VPS35L: variants seen among roughly 807,000 people sequenced by gnomAD.
The protein encoded by VPS35L is VPS35 endosomal protein sorting factor like.
In VPS35L, 83 loss-of-function variants were observed where a neutral mutation model predicts 133.0. The observed-to-expected ratio is 0.62, with a 90% CI of 0.52 to 0.75. The LOEUF is 0.75. Ranked by LOEUF, VPS35L falls within the 30% of genes least tolerant of loss-of-function variation. The pLI, the probability that VPS35L is intolerant of heterozygous loss-of-function variation, is 0.00. For synonymous variants in VPS35L, 423 were observed against 449.9 expected, an observed-to-expected ratio of 0.94 and a Z score of 0.76; for missense variants, 1,083 against 1,206.8, an observed-to-expected ratio of 0.90 and a Z score of 1.52.
chr16:19,653,701 G>A (rs1459132533), intron 26 of VPS35L, among the ~76,000 whole-genome samples: 5 of 152,230 alleles, frequency 3.3e-5, no homozygotes, highest in Admixed American at 6.5e-5. Context: ...CAAGGCTGGC[G>A]CCTCACCACT....
In VPS35L at chr16:19,624,594, AAAAC is replaced by A. The variant is rs1161153185; in HGVS notation, c.1225-1563_1225-1560del. ...AGTAAGACTCGTCTCTCTGTCTCAA[AAAAC>A]AAACAAACAAACAAACAAAAATACT... On this transcript the variant is annotated intron_variant, in intron 14 of 30. Transcript: ENST00000417362. Among the ~76,000 whole-genome samples the A allele has an allele frequency of 9.2e-5, 14 of 151,746 alleles. No individual in the cohort carries two copies. In the East Asian group the frequency reaches 2.1e-3, roughly 23 times the overall value.
Position 19,581,537 on chromosome 16 carries a change from G to T in VPS35L, c.523G>T (p.Glu175Ter). The change falls in exon 7 of 31, where the codon GAG becomes TAG. Residue 175 changes from glutamate (E) to a stop codon, truncating the protein, a stop_gained. Transcript: ENST00000417362. LOFTEE classifies it high-confidence loss of function. Reference protein sequence around the residue: ...LDDFEEGSQKELLNLTQQDYV... With the variant: ...LDDFEEGSQK ...CTTCTCCCCACAGGGTTCCCAAAAGGAGCTGTTGAACTTGACTCAGCAGGA... is the reference window on the plus strand; with the variant it reads ...CTTCTCCCCACAGGGTTCCCAAAAGTAGCTGTTGAACTTGACTCAGCAGGA... 6.2e-7 allele frequency: 1 copy of T among 1,603,300 alleles called. No homozygotes were observed. Among genetic ancestry groups the T allele is most frequent in the Non-Finnish European group, 8.5e-7 (1 of 1,174,298 alleles).
At chr16:19,641,222 G>A (rs1830681520) in intron 21 of VPS35L, among the ~76,000 whole-genome samples, 3 of 151,646 alleles carry the variant, frequency 2.0e-5, no homozygotes, top group Admixed American at 2.0e-4. Context: ...CCACCTCCAC[G>A]TCCGGCTAAT....
At chr16:19,670,772 T>A (rs1331243843) in intron 27 of VPS35L, among the ~76,000 whole-genome samples, 4 of 151,990 alleles carry the variant, frequency 2.6e-5, no homozygotes, top group Non-Finnish European at 5.9e-5. Flanking sequence ...TAACTTGGAG[T>A]CCATCTACTC....
At chr16:19,685,822 G>A (rs1356875470) in intron 28 of VPS35L, among the ~76,000 whole-genome samples, 1 of 152,132 alleles carries the variant, frequency 6.6e-6, no homozygotes, top group Non-Finnish European at 1.5e-5. Flanking sequence ...CTGAACAAGA[G>A]AGAAAGCTTT....
chr16:19,651,920 A>G, intron 25 of VPS35L, 56 bp from the exon 26 acceptor site: 5 of 1,202,176 alleles, frequency 4.2e-6, no homozygotes, highest in Non-Finnish European at 6.1e-6. Context: ...TGAAAACAGG[A>G]GTATGATTCT....
intron 11 of VPS35L, among the ~76,000 whole-genome samples, chr16:19,609,923 C>T (rs1418493546): frequency 2.6e-5 from 4 of 151,936 alleles, no homozygotes; most frequent in Non-Finnish European, 4.4e-5. Flanking sequence ...CTGAGATTCA[C>T]GGAAGGAACA....
intron 26 of VPS35L, among the ~76,000 whole-genome samples, chr16:19,665,111 T>C (rs1159149182): frequency 6.6e-6 from 1 of 152,174 alleles, no homozygotes; most frequent in Non-Finnish European, 1.5e-5. Context: ...AGGCAGGCAG[T>C]GTATAATAAT....
At chr16:19,595,594 A>G (rs9940647) in intron 8 of VPS35L, among the ~76,000 whole-genome samples, 3,874 of 152,028 alleles carry the variant, frequency 0.025, 176 homozygotes, top group African/African-American at 0.089. Flanking sequence ...AGCAAGATTA[A>G]CTCTGAGACA....
In VPS35L at chr16:19,639,216, A is replaced by G. The variant is rs114788231; in HGVS notation, c.1699-799A>G. ...CAAAACCGCAGATAAGGGAGCAACT[A>G]CCATATTCCCACTTTACAGATGAGA... is the stretch of plus-strand genomic sequence containing the variant. On this transcript the variant is annotated intron_variant, in intron 20 of 30. Coordinates refer to ENST00000417362, the MANE Select transcript of VPS35L (RefSeq NM_020314.7). This position sits in a 1 kb window ranked among gnomAD's most constrained non-coding sequence, Gnocchi z 4.1. 0.051 allele frequency among the ~76,000 whole-genome samples: 7,733 copies of G among 152,300 alleles called. 639 individuals are homozygous for G. The highest frequency in any genetic ancestry group is 0.17 in the African/African-American group (7,036 of 41,542).
chr16:19,581,752 C>T (rs1971718209), intron 7 of VPS35L, 99 bp downstream of exon 7: 1 of 1,362,034 alleles, frequency 7.3e-7, no homozygotes, highest in Non-Finnish European at 1.0e-6. Flanking sequence ...GGGTCTTACT[C>T]TTGTTTTCTC....
chr16:19,616,859 C>T, intron 14 of VPS35L, 51 bp downstream of exon 14: 1 of 1,612,326 alleles, frequency 6.2e-7, no homozygotes, highest in South Asian at 1.1e-5. Flanking sequence ...ATGGTGACAG[C>T]CCCTGCCCAC....
At chr16:19,648,688 T>C (rs1452302472) in intron 24 of VPS35L, among the ~76,000 whole-genome samples, 1 of 151,934 alleles carries the variant, frequency 6.6e-6, no homozygotes, top group African/African-American at 2.4e-5. Context: ...CCCAATATGG[T>C]GAAATGCTGT....
intron 12 of VPS35L, 96 bp downstream of exon 12, chr16:19,610,511 A>T (rs1396771169): frequency 1.2e-6 from 1 of 846,506 alleles, no homozygotes; most frequent in Non-Finnish European, 1.8e-6. Context: ...CCCGCAAGTC[A>T]TTGAGAGAAG....
At chr16:19,621,979 CATGTGTGT>C (rs1973096443) in intron 14 of VPS35L, among the ~76,000 whole-genome samples, 1 of 151,656 alleles carries the variant, frequency 6.6e-6, no homozygotes, top group South Asian at 2.1e-4. Flanking sequence ...TGTATGTGTG[CATGTGTGT>C]GTGCACGTGC....
chr16:19,651,294 C>T (rs772072213), intron 25 of VPS35L, among the ~76,000 whole-genome samples: 1 of 151,572 alleles, frequency 6.6e-6, no homozygotes, highest in Non-Finnish European at 1.5e-5. Context: ...TTTTTGGAGA[C>T]AGGGTCTTGC....
At chr16:19,555,873 G>A in intron 1 of VPS35L, 127 bp downstream of exon 1, 1 of 1,334,720 alleles carries the variant, frequency 7.5e-7, no homozygotes, top group Non-Finnish European at 1.0e-6. Flanking sequence ...CCCCCAAGTT[G>A]TCTTGACCGT....
chr16:19,642,361 C>T, intron 21 of VPS35L, 35 bp from the exon 22 acceptor site: 1 of 1,588,580 alleles, frequency 6.3e-7, no homozygotes, highest in Non-Finnish European at 8.6e-7. Context: ...TGTCAGTGGA[C>T]AAAACTTTGA....
At chr16:19,691,110 C>A (rs13331770) in intron 28 of VPS35L, among the ~76,000 whole-genome samples, 18,284 of 152,252 alleles carry the variant, frequency 0.12, 1,421 homozygotes, top group African/African-American at 0.22. Context: ...CGCTCCCCGC[C>A]ACGCACACAT....
Sources: gnomAD v4.1 joint callset for allele counts (sites outside exome capture counted in the v4.1 genomes callset) on GRCh38, gnomAD v4.1.1 for gene constraint, Gnocchi (gnomAD v3.1) non-coding constraint, MANE v1.5 for transcripts, NCBI Gene and HGNC (gene_info 2026-07-23, HGNC 2026-07-21) for gene names.